FRK: variants seen among roughly 807,000 people sequenced by gnomAD.
FRK encodes the protein fyn related Src family tyrosine kinase.
A neutral mutation model predicts 56.4 loss-of-function variants in FRK; 51 were observed. The ratio of observed to expected loss-of-function variants is 0.90; its 90% CI spans 0.72 to 1.14. The LOEUF is 1.14. FRK is among the 50% of genes most tolerant of loss of function. The pLI, the probability that FRK is intolerant of heterozygous loss-of-function variation, is 0.00. For missense variants in FRK, 570 were observed against 601.4 expected, an observed-to-expected ratio of 0.95 and a Z score of 0.55; for synonymous variants, 245 against 217.9, an observed-to-expected ratio of 1.12 and a Z score of -1.10.
At chr6:115,942,784 C>G (rs1390706753) in intron 7 of FRK, among the ~76,000 whole-genome samples, 159 bp from the exon 8 acceptor site, 1 of 152,170 alleles carries the variant, frequency 6.6e-6, no homozygotes, top group Non-Finnish European at 1.5e-5. Context: ...ACAGATTAAA[C>G]TAAATCCTGC....
intron 1 of FRK, among the ~76,000 whole-genome samples, chr6:116,027,778 A>G (rs940832342): frequency 2.0e-5 from 3 of 152,026 alleles, no homozygotes; most frequent in African/African-American, 7.2e-5. Context: ...ATATGATTAG[A>G]AAAATCATTA....
intron 1 of FRK, among the ~76,000 whole-genome samples, chr6:116,054,815 T>C (rs921458329): frequency 1.3e-5 from 2 of 151,912 alleles, no homozygotes; most frequent in Non-Finnish European, 2.9e-5. Context: ...CTTTTAATAA[T>C]TCAAACTTCT....
intron 2 of FRK, among the ~76,000 whole-genome samples, chr6:115,979,448 G>C (rs579339): frequency 0.46 from 70,206 of 151,984 alleles, 17,327 homozygotes; most frequent in African/African-American, 0.63. Context: ...TATTACAAAA[G>C]AGTCAAAATA....
chr6:115,953,832 T>C (rs1029257555), intron 5 of FRK, among the ~76,000 whole-genome samples: 2 of 152,210 alleles, frequency 1.3e-5, no homozygotes, highest in Admixed American at 6.5e-5. Context: ...CAATACCTAA[T>C]TAGCCCATAC....
intron 4 of FRK, among the ~76,000 whole-genome samples, chr6:115,959,048 T>A (rs936551792): frequency 1.3e-5 from 2 of 152,052 alleles, no homozygotes; most frequent in Admixed American, 1.3e-4. Context: ...TGGTTATAGC[T>A]CCCCAGCTGC....
chr6:116,059,881 TTAGGGGGTTG>T, intron 1 of FRK, 77 bp downstream of exon 1: 10 of 1,136,758 alleles, frequency 8.8e-6, no homozygotes, highest in Non-Finnish European at 1.1e-5. Context: ...TCTTTGGACA[TTAGGGGGTTG>T]TAGAGAAGTA....
At chr6:116,007,444 T>G (rs574674429) in intron 1 of FRK, among the ~76,000 whole-genome samples, 3 of 152,274 alleles carry the variant, frequency 2.0e-5, no homozygotes, top group African/African-American at 7.2e-5. Flanking sequence ...TGAGCCAAAC[T>G]TCTATTTCGC....
chr6:116,008,411 T>G (rs1322321412), intron 1 of FRK, among the ~76,000 whole-genome samples: 1 of 152,204 alleles, frequency 6.6e-6, no homozygotes, highest in Non-Finnish European at 1.5e-5. Flanking sequence ...ATTCACTTAA[T>G]TCCTAGAATT....
chr6:115,940,774 T>C lies in FRK; in HGVS notation c.*1640A>G, dbSNP rs1363301098. On this transcript the variant is annotated 3_prime_UTR_variant, in exon 8 of 8. Coordinates refer to ENST00000606080, the MANE Select transcript of FRK (RefSeq NM_002031.3). ...AGAGAAATCCAAATCAAAACCACAA[T>C]GAGATACCATCTCACACCAGTTAGA... 2.0e-5 allele frequency: 3 copies of C among 152,180 alleles called. No individual in the cohort carries two copies. The highest frequency in any genetic ancestry group is 2.0e-4 in the Admixed American group (3 of 15,278). The allele number at this position is 152,180 out of a possible 1,614,324, so 9.4% of individuals were successfully genotyped here.
At chr6:116,015,524 A>C (rs575363707) in intron 1 of FRK, among the ~76,000 whole-genome samples, 6 of 152,342 alleles carry the variant, frequency 3.9e-5, no homozygotes, top group African/African-American at 1.4e-4. Flanking sequence ...ATGTGGAAGC[A>C]ACTTTGGAAC....
intron 6 of FRK, 138 bp downstream of exon 6, chr6:115,944,105 CT>C (rs1268494781): frequency 1.6e-6 from 1 of 610,376 alleles, no homozygotes; most frequent in Non-Finnish European, 2.7e-6. Context: ...GTTTGTAAGG[CT>C]TTGGACTACT....
intron 2 of FRK, among the ~76,000 whole-genome samples, chr6:115,998,006 C>T (rs894411853): frequency 6.6e-6 from 1 of 152,204 alleles, no homozygotes; most frequent in African/African-American, 2.4e-5. Flanking sequence ...CTGCTTAGCA[C>T]CAAAGCAGTC....
At chr6:116,063,640 C>T (rs1001774832), upstream of FRK, among the ~76,000 whole-genome samples, 12 of 152,036 alleles carry the variant, frequency 7.9e-5, no homozygotes, top group Non-Finnish European at 1.5e-4. Context: ...GTATTCCATT[C>T]GAGACTGTGG....
chr6:115,960,417 G>C (rs1272895895), intron 4 of FRK, among the ~76,000 whole-genome samples: 1 of 150,510 alleles, frequency 6.6e-6, no homozygotes, highest in Non-Finnish European at 1.5e-5. Flanking sequence ...CTCGCTGATT[G>C]CTAGCACAGC....
intron 1 of FRK, among the ~76,000 whole-genome samples, chr6:116,058,788 G>A (rs548188806): frequency 9.6e-4 from 146 of 152,018 alleles, no homozygotes; most frequent in African/African-American, 3.4e-3. Flanking sequence ...GCAGGCGCCT[G>A]TAGTCCCAGC....
the FRK span, among the ~76,000 whole-genome samples, chr6:116,081,529 G>A: frequency 6.6e-6 from 1 of 152,014 alleles, no homozygotes; most frequent in African/African-American, 2.4e-5. Context: ...GTGGTTGTGG[G>A]TGCCTGTAAT....
rs1469414407 is a variant in FRK at position 115,961,733 on chromosome 6, C to T, written c.800-5123G>A. Among the ~76,000 whole-genome samples, 42 of 43,234 alleles carry T rather than the reference C, an allele frequency of 9.7e-4. 10 individuals are homozygous for T. Among genetic ancestry groups the T allele is most frequent in the African/African-American group, 3.5e-3 (41 of 11,676 alleles). The allele number at this position is 43,234 out of a possible 152,430, so 28.4% of individuals were successfully genotyped here. A position where few individuals can be genotyped will look rare whatever the true frequency, so the allele number is the denominator to read the frequency against. On this transcript the variant is annotated intron_variant, in intron 4 of 7. Coordinates refer to ENST00000606080, the MANE Select transcript of FRK (RefSeq NM_002031.3). Reference sequence around the variant, plus strand: ...CCTACAAGCCAGAAGAGACTGGGGGCCAATATTCAACATTCTTAAAGAAAA... The same window carrying T: ...CCTACAAGCCAGAAGAGACTGGGGGTCAATATTCAACATTCTTAAAGAAAA...
At chr6:115,982,431 T>C (rs1430053832) in intron 2 of FRK, among the ~76,000 whole-genome samples, 2 of 152,198 alleles carry the variant, frequency 1.3e-5, no homozygotes, top group African/African-American at 4.8e-5. Context: ...TATACTTTAC[T>C]AGTTCTGTTT....
In FRK at chr6:116,060,302, T is replaced by C; in HGVS notation, c.10A>G (p.Ile4Val). 1.2e-6 allele frequency: 2 copies of C among 1,612,816 alleles called. No homozygotes were observed. Among genetic ancestry groups the C allele is most frequent in the Non-Finnish European group, 1.7e-6 (2 of 1,179,296 alleles). Reference protein sequence around the residue: MSNICQRLWEYLEP... With the variant: MSNVCQRLWEYLEP... ...AGGTACTCCCAGAGCCTCTGACAGATGTTGCTCATTGTGCCTTGGTGGGGA... is the reference window on the plus strand; with the variant it reads ...AGGTACTCCCAGAGCCTCTGACAGACGTTGCTCATTGTGCCTTGGTGGGGA... The change falls in exon 1 of 8, where the codon ATC becomes GTC. Residue 4 changes from isoleucine (I) to valine (V), a missense_variant. Coordinates refer to ENST00000606080, the MANE Select transcript of FRK (RefSeq NM_002031.3).
Sources: allele counts gnomAD v4.1 joint callset (sites outside exome capture counted in the v4.1 genomes callset), GRCh38; gene constraint gnomAD v4.1.1; transcripts MANE v1.5; gene names NCBI Gene and HGNC (gene_info 2026-07-23, HGNC 2026-07-21).